The following RBFOX1 variants were observed in gnomAD, a reference collection of about 807,000 sequenced individuals.
RBFOX1 encodes RNA binding fox-1 homolog 1.
RBFOX1 carries 8 observed loss-of-function variants against 57.7 expected under a neutral mutation model. The ratio of observed to expected loss-of-function variants is 0.14; its 90% CI spans 0.08 to 0.25. The LOEUF (loss-of-function observed/expected upper bound fraction) is 0.25. Among genes scored for constraint, RBFOX1 ranks in the 10% least tolerant of loss-of-function variants. The probability of loss-of-function intolerance (pLI) is 1.00; values close to 1 mark genes in which losing one functional copy is unlikely to be tolerated. For missense variants in RBFOX1, 611 were observed against 548.5 expected (o/e 1.11, Z -1.14); for synonymous variants, 326 against 222.4 (o/e 1.47, Z -4.15).
intron 4 of RBFOX1, among the ~76,000 whole-genome samples, chr16:7,134,929 T>C (rs953710002): frequency 6.6e-6 from 1 of 152,210 alleles, no homozygotes; most frequent in South Asian, 2.1e-4. Flanking sequence ...AATTTATCTT[T>C]TTTTTTTTTC....
chr16:6,478,420 TATATATA>T (rs1428181387), intron 2 of RBFOX1, among the ~76,000 whole-genome samples: 67 of 18,468 alleles, frequency 3.6e-3, no homozygotes, highest in Non-Finnish European at 4.3e-3. Context: ...TATATATATA[TATATATA>T]TATTTTTTTT....
intron 1 of RBFOX1, among the ~76,000 whole-genome samples, chr16:6,177,922 TA>T (rs57642754): frequency 1.2e-3 from 167 of 139,954 alleles, no homozygotes; most frequent in South Asian, 2.3e-3. Context: ...TCAGTGGGGG[TA>T]AAAAAAAAAA....
At chr16:5,603,008 T>C (rs76397782), downstream of RBFOX1, among the ~76,000 whole-genome samples, 5,661 of 152,186 alleles carry the variant, frequency 0.037, 248 homozygotes, top group African/African-American at 0.11. Context: ...AATGTGGCCT[T>C]TAGATAGACT....
At chr16:5,398,930 G>A (rs1053972013) in intron 1 of RBFOX1, among the ~76,000 whole-genome samples, 3 of 152,166 alleles carry the variant, frequency 2.0e-5, no homozygotes, top group Admixed American at 6.5e-5. Flanking sequence ...AACCAGAAAG[G>A]TGGCTGCGAT....
chr16:5,838,955 A>T (rs1442240126), intron 3 of RBFOX1, among the ~76,000 whole-genome samples: 2 of 152,082 alleles, frequency 1.3e-5, no homozygotes, highest in Non-Finnish European at 2.9e-5. Flanking sequence ...AAAAGTTTGC[A>T]CCCCAGAGGA....
intron 3 of RBFOX1, among the ~76,000 whole-genome samples, chr16:6,884,134 C>G (rs758373426): frequency 6.6e-5 from 10 of 152,290 alleles, no homozygotes; most frequent in Admixed American, 2.6e-4. Flanking sequence ...GATGCTCGAC[C>G]GAGCAGAGCT....
chr16:5,278,590 T>C (rs2063197166), intron 1 of RBFOX1, among the ~76,000 whole-genome samples: 1 of 152,232 alleles, frequency 6.6e-6, no homozygotes. Context: ...TTCTTTGATA[T>C]GCAGAAGGTA....
intron 3 of RBFOX1, among the ~76,000 whole-genome samples, chr16:5,694,182 C>T (rs1335068707): frequency 1.3e-5 from 2 of 152,188 alleles, no homozygotes; most frequent in African/African-American, 4.8e-5. Flanking sequence ...TTGCATTCTG[C>T]ATTTTTCACA....
At chr16:5,678,109 C>T (rs554612018) in intron 3 of RBFOX1, among the ~76,000 whole-genome samples, 1 of 152,232 alleles carries the variant, frequency 6.6e-6, no homozygotes, top group East Asian at 1.9e-4. Flanking sequence ...ATACTCATTC[C>T]TCTCCTCACC....
At chr16:5,967,823 C>A (rs2152295255) in intron 4 of RBFOX1, among the ~76,000 whole-genome samples, 1 of 152,262 alleles carries the variant, frequency 6.6e-6, no homozygotes, top group East Asian at 1.9e-4. Flanking sequence ...TTTTTACTAC[C>A]ATCAATTCGG....
intron 3 of RBFOX1, among the ~76,000 whole-genome samples, chr16:5,832,313 T>A (rs1021862505): frequency 6.6e-6 from 1 of 152,164 alleles, no homozygotes; most frequent in Non-Finnish European, 1.5e-5. Context: ...TACTGGCTAA[T>A]GGACTAGGGA....
At chr16:6,658,949 T>C (rs1170365200) in intron 3 of RBFOX1, among the ~76,000 whole-genome samples, 2 of 151,172 alleles carry the variant, frequency 1.3e-5, no homozygotes, top group African/African-American at 4.9e-5. Context: ...TTTTTTGTTT[T>C]TTTTTTTCCT....
intron 5 of RBFOX1, among the ~76,000 whole-genome samples, chr16:7,547,714 C>G (rs1326771424): frequency 6.6e-6 from 1 of 152,198 alleles, no homozygotes; most frequent in Admixed American, 6.5e-5. Flanking sequence ...GTTTGCAACT[C>G]AGGCACCTTG....
At chr16:7,182,015 C>G (rs1274453464) in intron 4 of RBFOX1, among the ~76,000 whole-genome samples, 1 of 152,200 alleles carries the variant, frequency 6.6e-6, no homozygotes, top group East Asian at 1.9e-4. Context: ...TTCCACCAAT[C>G]TAATATACAT....
intron 5 of RBFOX1, among the ~76,000 whole-genome samples, chr16:7,567,689 A>ATCCC (rs2092213332): frequency 7.0e-6 from 1 of 142,158 alleles, no homozygotes; most frequent in Non-Finnish European, 1.5e-5. Flanking sequence ...CTATATAGAT[A>ATCCC]TATATCCCTA....
intron 4 of RBFOX1, among the ~76,000 whole-genome samples, chr16:6,013,386 A>T (rs2094973431): frequency 6.6e-6 from 1 of 152,196 alleles, no homozygotes; most frequent in Admixed American, 6.5e-5. Flanking sequence ...TTATATAGGC[A>T]GGCTCCCATT....
In RBFOX1 at chr16:7,348,986, A is replaced by G. The variant is rs1321387148; in HGVS notation, c.28-169161A>G. On this transcript the variant is annotated intron_variant, in intron 4 of 15. Coordinates refer to ENST00000550418, the MANE Select transcript of RBFOX1 (RefSeq NM_018723.4). ...AGAGAGGCAGAGATTGATCGGCTCC[A>G]GTCAACCGGGTGAGTAGGAGGCTTC... is the stretch of plus-strand genomic sequence containing the variant. 2.6e-5 allele frequency among the ~76,000 whole-genome samples: 4 copies of G among 152,184 alleles called. No homozygotes were observed. In the East Asian group the frequency reaches 7.7e-4, roughly 29 times the overall value.
chr16:7,327,755 T>G (rs2096629989), intron 4 of RBFOX1, among the ~76,000 whole-genome samples: 1 of 152,158 alleles, frequency 6.6e-6, no homozygotes, highest in African/African-American at 2.4e-5. Flanking sequence ...CTTCCAGTGT[T>G]TCAAGAGATA....
chr16:6,774,356 C>T (rs1339613397), intron 3 of RBFOX1, among the ~76,000 whole-genome samples: 2 of 152,226 alleles, frequency 1.3e-5, no homozygotes, highest in South Asian at 4.1e-4. Flanking sequence ...TTCTAACTGG[C>T]CAAGTCTACA....
Sources: gnomAD v4.1 joint callset for allele counts (sites outside exome capture counted in the v4.1 genomes callset) on GRCh38, gnomAD v4.1.1 for gene constraint, MANE v1.5 for transcripts, NCBI Gene and HGNC (gene_info 2026-07-23, HGNC 2026-07-21) for gene names.